Variants in LINGO2 observed in about 807,000 individuals in gnomAD.
LINGO2 encodes leucine rich repeat and Ig domain containing 2.
In LINGO2, 14 loss-of-function variants were observed where a neutral mutation model predicts 30.6. That is an observed-to-expected ratio of 0.46 (90% CI 0.30 to 0.72). The LOEUF (loss-of-function observed/expected upper bound fraction) is 0.72. LINGO2 is among the 30% of genes least tolerant of loss of function. The pLI, the probability that LINGO2 is intolerant of heterozygous loss-of-function variation, is 0.07. For missense variants in LINGO2, 729 were observed against 751.7 expected (o/e 0.97, Z 0.35); for synonymous variants, 317 against 288.5 (o/e 1.10, Z -1.00).
Position 28,632,881 on chromosome 9 carries a change from T to TAGAG in LINGO2, c.-365+37315_-365+37318dup, listed in dbSNP as rs36101397. 5.5e-3 allele frequency among the ~76,000 whole-genome samples: 338 copies of TAGAG among 61,884 alleles called. 5 individuals are homozygous for TAGAG. Among genetic ancestry groups the TAGAG allele is most frequent in the African/African-American group, 0.018 (264 of 14,460 alleles). The allele number at this position is 61,884 out of a possible 152,430, so 40.6% of individuals were successfully genotyped here. On this transcript the variant is annotated intron_variant, in intron 1 of 5. Transcript: ENST00000379992. ...TTATATATATATATATATATATATGTAGAGAGAGAGAGAGAGAGAGAGAGA... is the reference window on the plus strand; with the variant it reads ...TTATATATATATATATATATATATGTAGAGAGAGAGAGAGAGAGAGAGAGAGAGA...
At chr9:28,563,444 A>C (rs1823207483) in intron 1 of LINGO2, among the ~76,000 whole-genome samples, 1 of 152,156 alleles carries the variant, frequency 6.6e-6, no homozygotes, top group Non-Finnish European at 1.5e-5. Flanking sequence ...CTGGACAATA[A>C]AAGAATAATC....
chr9:28,258,511 C>G (rs998605666), intron 4 of LINGO2, among the ~76,000 whole-genome samples: 1 of 151,862 alleles, frequency 6.6e-6, no homozygotes, highest in African/African-American at 2.4e-5. Flanking sequence ...CACACACACA[C>G]CCCACAAGAT....
At position 28,345,470 on chromosome 9, in the gene LINGO2, T is replaced by C. The variant is rs74543491; in HGVS notation, c.-246+27366A>G. Among the ~76,000 whole-genome samples, 858 of 152,260 alleles carry C rather than the reference T, an allele frequency of 5.6e-3. 36 individuals carry two copies. In the East Asian group the frequency reaches 0.11, roughly 19 times the overall value. Reference sequence around the variant, plus strand: ...GACCTCTCAAATATAGGGTAACCTATTGCAGCTTTATATCAAACTAGCAGG... The same window carrying C: ...GACCTCTCAAATATAGGGTAACCTACTGCAGCTTTATATCAAACTAGCAGG... On this transcript the variant is annotated intron_variant, in intron 3 of 5. Transcript: ENST00000379992.
intron 4 of LINGO2, among the ~76,000 whole-genome samples, chr9:28,061,708 T>C (rs1825150049): frequency 6.6e-6 from 1 of 151,940 alleles, no homozygotes; most frequent in Non-Finnish European, 1.5e-5. Context: ...AATAGTAGAA[T>C]TTTTCACTCA....
At chr9:28,265,742 G>C (rs1038996434) in intron 4 of LINGO2, among the ~76,000 whole-genome samples, 7 of 152,028 alleles carry the variant, frequency 4.6e-5, no homozygotes, top group Admixed American at 3.3e-4. Flanking sequence ...AAACTTTTCT[G>C]TATGTTTAAA....
chr9:29,047,245 C>T, the LINGO2 span, among the ~76,000 whole-genome samples: 8 of 151,726 alleles, frequency 5.3e-5, no homozygotes, highest in African/African-American at 1.9e-4. Flanking sequence ...GGGCAAAGGA[C>T]GTGAACAGAC....
At chr9:28,003,348 TAGATAG>T (rs1563901690) in intron 5 of LINGO2, among the ~76,000 whole-genome samples, 2,158 of 123,550 alleles carry the variant, frequency 0.017, 41 homozygotes, top group African/African-American at 0.065. Context: ...GATATATAGA[TAGATAG>T]ATAGATAGAT....
the LINGO2 span, among the ~76,000 whole-genome samples, chr9:28,841,796 G>A: frequency 2.0e-5 from 3 of 151,670 alleles, no homozygotes; most frequent in Non-Finnish European, 4.4e-5. Flanking sequence ...TAAAGAATAT[G>A]ACAAGGTATA....
At chr9:28,305,993 G>A (rs1824336743) in intron 3 of LINGO2, among the ~76,000 whole-genome samples, 1 of 152,034 alleles carries the variant, frequency 6.6e-6, no homozygotes, top group African/African-American at 2.4e-5. Context: ...TTTGGAAACT[G>A]CCTAATGATA....
At chr9:28,400,115 C>T (rs1822201571) in intron 2 of LINGO2, among the ~76,000 whole-genome samples, 1 of 152,142 alleles carries the variant, frequency 6.6e-6, no homozygotes, top group African/African-American at 2.4e-5. Context: ...CTGAAGCAGA[C>T]AGAGTGACTC....
At chr9:28,799,537 T>G in the LINGO2 span, among the ~76,000 whole-genome samples, 1 of 152,092 alleles carries the variant, frequency 6.6e-6, no homozygotes, top group Non-Finnish European at 1.5e-5. Context: ...GAAGGAAAAG[T>G]AGCAGGGTTT....
intron 4 of LINGO2, among the ~76,000 whole-genome samples, chr9:28,075,502 A>G (rs1288276479): frequency 1.3e-5 from 2 of 151,956 alleles, no homozygotes; most frequent in Non-Finnish European, 2.9e-5. Flanking sequence ...TAGTAACTCT[A>G]CTGGTAATTT....
the LINGO2 span, among the ~76,000 whole-genome samples, chr9:28,769,973 T>C: frequency 6.6e-6 from 1 of 152,066 alleles, no homozygotes; most frequent in Admixed American, 6.6e-5. Flanking sequence ...CTCTCTTCTG[T>C]TGTTTTAAGG....
the LINGO2 span, among the ~76,000 whole-genome samples, chr9:29,134,901 T>C: frequency 6.6e-6 from 1 of 152,062 alleles, no homozygotes; most frequent in Non-Finnish European, 1.5e-5. Flanking sequence ...AAATGGTAAA[T>C]TAATAGCATC....
chr9:29,126,885 G>A, the LINGO2 span, among the ~76,000 whole-genome samples: 13 of 152,168 alleles, frequency 8.5e-5, no homozygotes, highest in South Asian at 2.5e-3. Flanking sequence ...GTAACAAAAT[G>A]ATCAGAGGCT....
At chr9:28,884,939 AATATATATAATAT>A in the LINGO2 span, among the ~76,000 whole-genome samples, 52 of 14,004 alleles carry the variant, frequency 3.7e-3, 3 homozygotes, top group African/African-American at 5.1e-3. Flanking sequence ...TATTATATAT[AATATATATAATAT>A]ATAATATTTT....
chr9:28,869,288 A>G, the LINGO2 span, among the ~76,000 whole-genome samples: 1 of 152,082 alleles, frequency 6.6e-6, no homozygotes, highest in African/African-American at 2.4e-5. Flanking sequence ...CAGTACAGCC[A>G]TAACTGTAAT....
chr9:28,482,938 C>T (rs1339483864), intron 1 of LINGO2, among the ~76,000 whole-genome samples: 4 of 152,040 alleles, frequency 2.6e-5, no homozygotes, highest in Admixed American at 2.0e-4. Flanking sequence ...CGCATAGACA[C>T]ATTTTAAGAA....
chr9:28,141,995 C>T (rs748949229), intron 4 of LINGO2, among the ~76,000 whole-genome samples: 1 of 152,138 alleles, frequency 6.6e-6, no homozygotes, highest in Non-Finnish European at 1.5e-5. Flanking sequence ...CATCAATTTT[C>T]TGCATTACTT....
Sources: allele counts gnomAD v4.1 joint callset (sites outside exome capture counted in the v4.1 genomes callset), GRCh38; gene constraint gnomAD v4.1.1; transcripts MANE v1.5; gene names NCBI Gene and HGNC (gene_info 2026-07-23, HGNC 2026-07-21).